ERICH6: variants seen among roughly 807,000 people sequenced by gnomAD.
ERICH6 encodes glutamate rich 6, also known as glutamate-rich protein 6.
ERICH6 carries 71 observed loss-of-function variants against 71.0 expected under a neutral mutation model. The observed-to-expected ratio is 1.00, with a 90% CI of 0.83 to 1.22. The LOEUF is 1.22. Ranked by LOEUF, ERICH6 falls within the 50% of genes most tolerant of loss-of-function variation. ERICH6 has a pLI of 0.00. For missense variants in ERICH6, 808 were observed against 797.2 expected (o/e 1.01, Z -0.16); for synonymous variants, 262 against 278.4 (o/e 0.94, Z 0.59).
In ERICH6 at chr3:150,666,897, G is replaced by A. The variant is rs372213685; in HGVS notation, c.1618C>T (p.Leu540=). The change falls in exon 13 of 14, where the codon CTG becomes TTG. Residue 540 remains leucine, a synonymous_variant. Coordinates refer to ENST00000295910, the MANE Select transcript of ERICH6 (RefSeq NM_152394.5). The part of the protein sequence containing the change: ...SPFVSFKPVF[L]ALNRYIGVRI... ...ACTCCAATATAACGGTTCAAAGCCA[G>A]AAAGACAGGTTTAAATGAAACAAAG... The A allele has an allele frequency of 2.5e-6, 4 of 1,614,118 alleles. No homozygotes were observed. The highest frequency in any genetic ancestry group is 2.5e-6 in the Non-Finnish European group (3 of 1,180,034).
Position 150,669,336 on chromosome 3 carries a change from A to C in ERICH6, c.1459T>G (p.Ser487Ala), listed in dbSNP as rs374852781. The C allele has an allele frequency of 1.2e-5, 20 of 1,612,400 alleles. No individual in the cohort carries two copies. In the African/African-American group the frequency reaches 2.4e-4, roughly 19 times the overall value. ...GGATGATAGCAGGAACTTCTGCCAG[A>C]GGAATCCAGCACTGCTAGGATAGCA... ...NPAILAVLDS[S>A]GRSSCYHPNG... Residue 487 changes from serine (S) to alanine (A), a missense_variant, in exon 12 of 14, where the codon TCT (serine) becomes GCT (alanine). Ser to Ala is a moderately conservative substitution (Grantham distance 99). This residue lies in a region of ERICH6 where 736 missense variants were observed against 712.2 expected (regional missense o/e 1.03). Transcript: ENST00000295910.
intron 3 of ERICH6, among the ~76,000 whole-genome samples, chr3:150,688,767 G>C (rs547770603): frequency 6.6e-6 from 1 of 152,174 alleles, no homozygotes; most frequent in African/African-American, 2.4e-5. Flanking sequence ...GAGTTGTCCC[G>C]CCTTTGAGTT....
rs113392990 is a variant in ERICH6, at chr3:150,667,038, T to A, written c.1500-23A>T. ...ACCCTGGTCAGGAAGGAAATGTAAA[T>A]ATCATAAACAGTAACACTGTAATTA... On this transcript the variant is annotated intron_variant, in intron 12 of 13. Transcript: ENST00000295910. 32 of 1,591,604 alleles carry A rather than the reference T, an allele frequency of 2.0e-5. No individual in the cohort carries two copies. In the African/African-American group the frequency reaches 3.1e-4, roughly 15 times the overall value.
chr3:150,699,008 T>G (rs1712760018), intron 2 of ERICH6, 126 bp from the exon 3 acceptor site: 1 of 657,436 alleles, frequency 1.5e-6, no homozygotes, highest in Non-Finnish European at 2.6e-6. Context: ...TTGAAATATT[T>G]TCTTCCATTT....
chr3:150,701,504 G>A (rs1202436146), intron 2 of ERICH6, among the ~76,000 whole-genome samples: 2 of 152,084 alleles, frequency 1.3e-5, no homozygotes, highest in Non-Finnish European at 1.5e-5. Context: ...ATTACAAATT[G>A]AATTAAAAGG....
intron 3 of ERICH6, among the ~76,000 whole-genome samples, chr3:150,689,454 T>C (rs1341022411): frequency 2.0e-5 from 3 of 152,228 alleles, no homozygotes; most frequent in South Asian, 2.1e-4. Flanking sequence ...TCTGGTTTGA[T>C]ACTTGGTACT....
At chr3:150,676,127 C>T (rs1711644357) in intron 10 of ERICH6, among the ~76,000 whole-genome samples, 1 of 151,884 alleles carries the variant, frequency 6.6e-6, no homozygotes, top group Non-Finnish European at 1.5e-5. Context: ...GTGTTTCTTG[C>T]CTTTTTTAAT....
chr3:150,699,736 C>T (rs998039143), intron 2 of ERICH6, among the ~76,000 whole-genome samples: 1 of 109,022 alleles, frequency 9.2e-6, no homozygotes, highest in African/African-American at 3.1e-5. Context: ...AAAAAAAAAA[C>T]ACAAAAAACA....
Position 150,678,333 on chromosome 3 carries a change from TCA to T in ERICH6, c.1257+74_1257+75del, listed in dbSNP as rs1711740015. 5.7e-6 allele frequency: 8 copies of T among 1,396,254 alleles called. No individual in the cohort carries two copies. The South Asian group carries it at 1.1e-4, about 19-fold the overall frequency. 86.5% of individuals were successfully genotyped at this position (1,396,254 alleles called of 1,614,324 possible). ...GTTAAATGCATCATGTAGCCAAGCT[TCA>T]TGAAAGACTTTATAATTTTAGGTAA... On this transcript the variant is annotated intron_variant, in intron 10 of 13. Coordinates refer to ENST00000295910, the MANE Select transcript of ERICH6 (RefSeq NM_152394.5).
At chr3:150,676,366 C>T (rs1711656703) in intron 10 of ERICH6, among the ~76,000 whole-genome samples, 1 of 152,070 alleles carries the variant, frequency 6.6e-6, no homozygotes, top group Non-Finnish European at 1.5e-5. Context: ...CATATATCTT[C>T]AAGCTGATCT....
At chr3:150,670,492 A>C (rs906660750) in intron 11 of ERICH6, among the ~76,000 whole-genome samples, 1 of 151,866 alleles carries the variant, frequency 6.6e-6, no homozygotes, top group African/African-American at 2.4e-5. Context: ...AAAAAAAAAA[A>C]AAAAAAAAAA....
intron 10 of ERICH6, among the ~76,000 whole-genome samples, chr3:150,677,848 T>A (rs1199967008): frequency 6.6e-6 from 1 of 152,128 alleles, no homozygotes; most frequent in Admixed American, 6.5e-5. Context: ...AAATTATATA[T>A]ATGATACAAT....
intron 11 of ERICH6, among the ~76,000 whole-genome samples, chr3:150,670,610 G>GA: frequency 6.7e-6 from 1 of 150,216 alleles, no homozygotes; most frequent in Non-Finnish European, 1.5e-5. Flanking sequence ...CTTGTATATA[G>GA]AAAATCCTAA....
chr3:150,683,318 T>C (rs904211652), intron 6 of ERICH6, among the ~76,000 whole-genome samples: 1 of 152,166 alleles, frequency 6.6e-6, no homozygotes. Flanking sequence ...AAATCTAGGA[T>C]AGCTATCAAA....
intron 13 of ERICH6, among the ~76,000 whole-genome samples, chr3:150,661,368 C>T (rs139448490): frequency 6.6e-4 from 100 of 152,278 alleles, no homozygotes; most frequent in Middle Eastern, 6.8e-3. Context: ...CGGGCACTAG[C>T]GCTAGCCTTC....
At chr3:150,691,517 A>C (rs1391965121) in intron 3 of ERICH6, among the ~76,000 whole-genome samples, 3 of 152,152 alleles carry the variant, frequency 2.0e-5, no homozygotes, top group Non-Finnish European at 4.4e-5. Context: ...GAAAGAAAGA[A>C]TCTTGTATGG....
chr3:150,661,191 G>T (rs928267850), intron 13 of ERICH6, among the ~76,000 whole-genome samples: 1 of 152,074 alleles, frequency 6.6e-6, no homozygotes, highest in African/African-American at 2.4e-5. Flanking sequence ...GAGAAATGAC[G>T]AAATGAAACC....
In ERICH6 at chr3:150,688,122, A is replaced by G. The variant is rs1052586698; in HGVS notation, c.554-1768T>C. Among the ~76,000 whole-genome samples, 7 of 152,304 alleles carry G rather than the reference A, an allele frequency of 4.6e-5. No individual in the cohort carries two copies. In the South Asian group the frequency reaches 1.5e-3, roughly 32 times the overall value. ...GACAGAGCAAGACCTTGTCTCAAAA[A>G]GTAAATAAACAAATAAATAAATTTT... On this transcript the variant is annotated intron_variant, in intron 3 of 13. Transcript: ENST00000295910.
intron 1 of ERICH6, 115 bp downstream of exon 1, chr3:150,703,380 CA>C: frequency 7.0e-7 from 1 of 1,438,350 alleles, no homozygotes; most frequent in Non-Finnish European, 9.1e-7. Context: ...ATGGTGCATG[CA>C]TTTAGAAATC....
Sources: gnomAD v4.1 joint callset for allele counts (sites outside exome capture counted in the v4.1 genomes callset) on GRCh38, gnomAD v4.1.1 for gene constraint, gnomAD v4.1.1 regional missense constraint, MANE v1.5 for transcripts, NCBI Gene and HGNC (gene_info 2026-07-23, HGNC 2026-07-21) for gene names.